COL6A5: variants seen among roughly 807,000 people sequenced by gnomAD.
COL6A5 encodes the protein collagen alpha-5(VI) chain.
In COL6A5, 48 loss-of-function variants were observed where a neutral mutation model predicts 65.6. The observed-to-expected ratio is 0.73, with a 90% CI of 0.58 to 0.93. The LOEUF (loss-of-function observed/expected upper bound fraction) is 0.93. Ranked by LOEUF, COL6A5 falls within the 40% of genes least tolerant of loss-of-function variation. The pLI, the probability that COL6A5 is intolerant of heterozygous loss-of-function variation, is 0.00. For missense variants in COL6A5, 914 were observed against 928.3 expected, an observed-to-expected ratio of 0.98 and a Z score of 0.20; for synonymous variants, 291 against 322.8, an observed-to-expected ratio of 0.90 and a Z score of 1.05.
At chr3:130,429,491 C>A, upstream of COL6A5, 2 of 1,252,210 alleles carry the variant, frequency 1.6e-6, no homozygotes, top group Non-Finnish European at 2.2e-6. Flanking sequence ...ACATTTTCAG[C>A]TTTGTTAAAA....
intron 1 of COL6A5, among the ~76,000 whole-genome samples, chr3:130,357,164 G>C (rs1370634447): frequency 6.6e-6 from 1 of 151,818 alleles, no homozygotes; most frequent in Non-Finnish European, 1.5e-5. Flanking sequence ...TAACCCTAGA[G>C]AGTAGAAAAA....
chr3:130,383,832 A>G (rs553356373), intron 4 of COL6A5, among the ~76,000 whole-genome samples: 14 of 152,090 alleles, frequency 9.2e-5, no homozygotes, highest in Non-Finnish European at 1.8e-4. Context: ...CAGCTTAACA[A>G]AGGAAGGAAC....
intron 1 of COL6A5, among the ~76,000 whole-genome samples, chr3:130,347,950 A>G (rs1010812927): frequency 3.3e-5 from 5 of 152,156 alleles, no homozygotes; most frequent in Admixed American, 2.6e-4. Context: ...GGAAGGGCTG[A>G]CTGGTGGTGC....
chr3:130,349,604 G>C (rs1271093860), intron 1 of COL6A5, among the ~76,000 whole-genome samples: 1 of 152,148 alleles, frequency 6.6e-6, no homozygotes, highest in African/African-American at 2.4e-5. Context: ...CATTGCCTAA[G>C]AAGGGTCTTG....
intron 7 of COL6A5, among the ~76,000 whole-genome samples, chr3:130,472,832 CATATATATATATAT>C (rs10654631): frequency 1.4e-4 from 14 of 99,392 alleles, no homozygotes; most frequent in East Asian, 7.3e-4. Context: ...TGTGTGTATA[CATATATATATATAT>C]ATATATATAT....
At chr3:130,484,144 G>A in exon 8 of COL6A5, 2 of 1,241,090 alleles carry the variant, frequency 1.6e-6, no homozygotes, top group Non-Finnish European at 2.2e-6. Flanking sequence ...AGGTACTGTG[G>A]TAAATGACAG....
intron 1 of COL6A5, among the ~76,000 whole-genome samples, chr3:130,349,523 A>G (rs938170181): frequency 4.6e-5 from 7 of 152,230 alleles, no homozygotes; most frequent in African/African-American, 1.7e-4. Context: ...CACCTAGGGC[A>G]GTCTTTTAAC....
exon 3 of COL6A5, chr3:130,440,802 A>C (rs1709163840): frequency 6.2e-7 from 1 of 1,611,840 alleles, no homozygotes; most frequent in Admixed American, 1.7e-5. Context: ...AAGTTCTTAA[A>C]GCCATTTTTA....
chr3:130,423,963 C>A, intron 29 of COL6A5, 63 bp downstream of exon 29: 2 of 1,287,870 alleles, frequency 1.6e-6, no homozygotes, highest in Non-Finnish European at 2.2e-6. Context: ...ATGGAAAGGG[C>A]ACAGAATTTA....
chr3:130,462,852 A>T (rs1709731641), intron 5 of COL6A5, among the ~76,000 whole-genome samples: 1 of 152,080 alleles, frequency 6.6e-6, no homozygotes, highest in South Asian at 2.1e-4. Context: ...GCCTTAAGTG[A>T]GCTGGTTGAT....
At chr3:130,348,144 T>G (rs1577413198) in intron 1 of COL6A5, among the ~76,000 whole-genome samples, 2 of 152,238 alleles carry the variant, frequency 1.3e-5, no homozygotes, top group East Asian at 1.9e-4. Context: ...CTGAGATACA[T>G]GTGCTGAACA....
At chr3:130,439,720 T>C (rs1023304934) in intron 2 of COL6A5, 105 bp downstream of exon 34, 2 of 798,896 alleles carry the variant, frequency 2.5e-6, no homozygotes, top group African/African-American at 3.5e-5. Flanking sequence ...AATCATAGGT[T>C]CTATTTTCAG....
At chr3:130,381,447 G>T (rs932288194) in intron 4 of COL6A5, among the ~76,000 whole-genome samples, 1 of 151,928 alleles carries the variant, frequency 6.6e-6, no homozygotes, top group African/African-American at 2.4e-5. Context: ...TAAAAGTCTT[G>T]CAGGGACATC....
Position 130,405,984 on chromosome 3 carries a change from C to A in COL6A5, c.4354-9C>A. 6.4e-7 allele frequency: 1 copy of A among 1,551,184 alleles called. No individual in the cohort carries two copies. Among genetic ancestry groups the A allele is most frequent in the South Asian group, 1.2e-5 (1 of 84,036 alleles). ...GATTTGTCAGTGAGAGATATTTCAT[C>A]TTTTGCAGGGACTCAAAGGATTTTC... On this transcript the variant is annotated splice_polypyrimidine_tract_variant and intron_variant and NMD_transcript_variant, in intron 14 of 41. Transcript: ENST00000312481.
chr3:130,428,709 A>G (rs1937667493), upstream of COL6A5, among the ~76,000 whole-genome samples: 1 of 152,138 alleles, frequency 6.6e-6, no homozygotes, highest in South Asian at 2.1e-4. Flanking sequence ...TTGAGCCTAC[A>G]GATGCAAAGG....
chr3:130,380,556 G>A (rs1205568869), intron 4 of COL6A5, among the ~76,000 whole-genome samples: 3 of 152,048 alleles, frequency 2.0e-5, no homozygotes, highest in Non-Finnish European at 4.4e-5. Context: ...CTGTCCAACA[G>A]CCCTTTCTAT....
chr3:130,371,926 A>G (rs1024221401), intron 1 of COL6A5, among the ~76,000 whole-genome samples: 2 of 152,212 alleles, frequency 1.3e-5, no homozygotes, highest in African/African-American at 2.4e-5. Context: ...AGCAAGTCAT[A>G]TATCTGCTAA....
chr3:130,470,430 G>A (rs2107615685), intron 6 of COL6A5, among the ~76,000 whole-genome samples: 1 of 152,058 alleles, frequency 6.6e-6, no homozygotes, highest in Middle Eastern at 3.4e-3. Context: ...GTTATGTTTA[G>A]TAGCAAGTAA....
chr3:130,461,213 T>C (rs1709694644), intron 5 of COL6A5, among the ~76,000 whole-genome samples: 1 of 151,996 alleles, frequency 6.6e-6, no homozygotes, highest in South Asian at 2.1e-4. Flanking sequence ...GTATAAAAAA[T>C]GACTACTACA....
Sources: allele counts gnomAD v4.1 joint callset (sites outside exome capture counted in the v4.1 genomes callset), GRCh38; gene constraint gnomAD v4.1.1; transcripts MANE v1.5; gene names NCBI Gene and HGNC (gene_info 2026-07-23, HGNC 2026-07-21).